Variants in DCAF1 observed in about 807,000 individuals in gnomAD.
DCAF1 encodes DDB1- and CUL4-associated factor 1.
In DCAF1, 15 loss-of-function variants were observed where a neutral mutation model predicts 128.0. The observed-to-expected ratio is 0.12, with a 90% CI of 0.08 to 0.18. The LOEUF is 0.18. Ranked by LOEUF, DCAF1 falls within the 10% of genes least tolerant of loss-of-function variation. The probability of loss-of-function intolerance (pLI) is 1.00; values close to 1 mark genes in which losing one functional copy is unlikely to be tolerated. For synonymous variants in DCAF1, 610 were observed against 603.0 expected (o/e 1.01, Z -0.17); for missense variants, 988 against 1,649.5 (o/e 0.60, Z 6.95).
At chr3:51,396,626 T>A, downstream of DCAF1, 1 of 167,364 alleles carries the variant, frequency 6.0e-6, no homozygotes. Context: ...TGCTGCCTCC[T>A]AAGTGACTCC....
chr3:51,492,505 A>G (rs1191818100), intron 2 of DCAF1, among the ~76,000 whole-genome samples: 1 of 152,098 alleles, frequency 6.6e-6, no homozygotes, highest in Non-Finnish European at 1.5e-5. Context: ...AAAAGGAGTG[A>G]GACTTTGTCT....
chr3:51,427,425 T>C lies in DCAF1; in HGVS notation c.1794A>G (p.Gln598=), dbSNP rs559280037. 22 of 779,998 alleles carry C rather than the reference T, an allele frequency of 2.8e-5. No individual in the cohort carries two copies. In the Admixed American group the frequency reaches 3.2e-4, roughly 11 times the overall value. 48.3% of individuals were successfully genotyped at this position (779,998 alleles called of 1,614,324 possible). The change falls in exon 13 of 25, where the codon CAA becomes CAG. Residue 598 remains glutamine, a synonymous_variant. Transcript: ENST00000684031. ...AEVFLKLSCV[Q]LLLQLISIAC... is the part of the protein sequence containing the mutation. ...CAATAGAAATAAGCTGCAACAAGAG[T>C]TGCACACAAGAAAGTTTGAGGAAAA...
At chr3:51,494,275 C>T (rs545022057) in intron 2 of DCAF1, among the ~76,000 whole-genome samples, 67 of 151,830 alleles carry the variant, frequency 4.4e-4, no homozygotes, top group Middle Eastern at 3.4e-3. Flanking sequence ...CCACCACACC[C>T]GGCTACTTTT....
chr3:51,397,299 T>G (rs1326491525), downstream of DCAF1: 2 of 167,080 alleles, frequency 1.2e-5, no homozygotes, highest in East Asian at 3.8e-4. Flanking sequence ...CCTTGCCTGG[T>G]GGTTACACAG....
In DCAF1 at chr3:51,414,666, A is replaced by G; in HGVS notation, c.3795T>C (p.Val1265=). Residue 1265 remains valine (V), a synonymous_variant, in exon 19 of 25, where the codon GTT becomes GTC. Coordinates refer to ENST00000684031, the MANE Select transcript of DCAF1 (RefSeq NM_001387579.1). Reference sequence around the variant, plus strand: ...TCACCTCCAGTCCATTTGGATGGAAAACACCACTGATGTTCATATTGAACT... The same window carrying G: ...TCACCTCCAGTCCATTTGGATGGAAGACACCACTGATGTTCATATTGAACT... ...FDKFNMNISG[V]FHPNGLEVII... is the part of the protein sequence containing the mutation. 6.2e-7 allele frequency: 1 copy of G among 1,614,050 alleles called. No homozygotes were observed. The highest frequency in any genetic ancestry group is 8.5e-7 in the Non-Finnish European group (1 of 1,179,896).
chr3:51,457,274 C>A (rs143657799), intron 6 of DCAF1, among the ~76,000 whole-genome samples: 1 of 152,196 alleles, frequency 6.6e-6, no homozygotes, highest in African/African-American at 2.4e-5. Context: ...AATGCAGAAG[C>A]CTCAGTAGCC....
At chr3:51,465,119 A>G (rs1195976372) in intron 5 of DCAF1, among the ~76,000 whole-genome samples, 1 of 152,200 alleles carries the variant, frequency 6.6e-6, no homozygotes, top group Admixed American at 6.6e-5. Flanking sequence ...ATTGTTGGCT[A>G]AACGGTGGTC....
intron 7 of DCAF1, among the ~76,000 whole-genome samples, chr3:51,443,112 T>C (rs1310449813): frequency 6.6e-6 from 1 of 152,088 alleles, no homozygotes; most frequent in Non-Finnish European, 1.5e-5. Context: ...AAAGGGCAGA[T>C]GGATGGATAT....
At chr3:51,503,367 TCTC>T (rs1475530885), upstream of DCAF1, among the ~76,000 whole-genome samples, 1 of 151,872 alleles carries the variant, frequency 6.6e-6, no homozygotes, top group Non-Finnish European at 1.5e-5. Context: ...GCTTCAAGCT[TCTC>T]CTTCATTCTC....
intron 20 of DCAF1, 33 bp downstream of exon 20, chr3:51,413,917 G>A (rs1312241860): frequency 8.3e-6 from 12 of 1,450,762 alleles, no homozygotes; most frequent in Non-Finnish European, 1.1e-5. Flanking sequence ...TAGAGCAAAA[G>A]GAAAGAGAAT....
chr3:51,479,216 G>A (rs577381824), intron 3 of DCAF1, among the ~76,000 whole-genome samples: 3 of 152,184 alleles, frequency 2.0e-5, no homozygotes, highest in South Asian at 2.1e-4. Flanking sequence ...AGACATAGTC[G>A]TAGGCCAGGC....
intron 15 of DCAF1, among the ~76,000 whole-genome samples, chr3:51,419,281 A>G (rs1423176900): frequency 6.6e-6 from 1 of 152,046 alleles, no homozygotes; most frequent in Non-Finnish European, 1.5e-5. Context: ...GAATCACTCG[A>G]ACCTAGGAGG....
intron 3 of DCAF1, among the ~76,000 whole-genome samples, chr3:51,475,443 T>C (rs1218541493): frequency 6.6e-6 from 1 of 151,992 alleles, no homozygotes; most frequent in Non-Finnish European, 1.5e-5. Flanking sequence ...CCATCTCTAC[T>C]AAAAATTTAA....
At chr3:51,498,143 C>T (rs1187682960) in intron 1 of DCAF1, among the ~76,000 whole-genome samples, 1 of 144,654 alleles carries the variant, frequency 6.9e-6, no homozygotes, top group African/African-American at 2.6e-5. Flanking sequence ...GGGCAGATCA[C>T]GAGGACAAGA....
intron 6 of DCAF1, among the ~76,000 whole-genome samples, chr3:51,450,782 A>C (rs1211186989): frequency 6.6e-6 from 1 of 152,150 alleles, no homozygotes; most frequent in Non-Finnish European, 1.5e-5. Flanking sequence ...ACGCCTGGTC[A>C]AGGTGTCCAC....
intron 23 of DCAF1, among the ~76,000 whole-genome samples, chr3:51,408,255 T>C (rs1301459549): frequency 6.6e-6 from 1 of 152,220 alleles, no homozygotes; most frequent in Non-Finnish European, 1.5e-5. Context: ...TTATGGCATG[T>C]CAATTATATC....
At chr3:51,485,763 T>C (rs1323658761) in intron 2 of DCAF1, among the ~76,000 whole-genome samples, 2 of 152,244 alleles carry the variant, frequency 1.3e-5, no homozygotes, top group Non-Finnish European at 2.9e-5. Flanking sequence ...TGCAAATATT[T>C]ATGTTTTAAT....
chr3:51,444,049 G>T, intron 6 of DCAF1, 146 bp from the exon 7 acceptor site: 3 of 625,324 alleles, frequency 4.8e-6, no homozygotes, highest in Non-Finnish European at 5.1e-6. Flanking sequence ...CATCCAATAG[G>T]TTCCTTAGTT....
intron 6 of DCAF1, among the ~76,000 whole-genome samples, chr3:51,447,628 C>T (rs1702002815): frequency 6.6e-6 from 1 of 152,050 alleles, no homozygotes; most frequent in African/African-American, 2.4e-5. Context: ...TTTTGTCTTC[C>T]TAAACTGTTT....
Sources: gnomAD v4.1 joint callset for allele counts (sites outside exome capture counted in the v4.1 genomes callset) on GRCh38, gnomAD v4.1.1 for gene constraint, MANE v1.5 for transcripts, NCBI Gene and HGNC (gene_info 2026-07-23, HGNC 2026-07-21) for gene names.